Variants in ZBTB16 observed in about 807,000 individuals in gnomAD.
ZBTB16 encodes the protein zinc finger and BTB domain containing 16.
A neutral mutation model predicts 56.8 loss-of-function variants in ZBTB16; 8 were observed. The ratio of observed to expected loss-of-function variants is 0.14; its 90% CI spans 0.08 to 0.25. The LOEUF (loss-of-function observed/expected upper bound fraction) is 0.25. ZBTB16 is among the 10% of genes least tolerant of loss of function. The probability of loss-of-function intolerance (pLI) is 1.00; values close to 1 mark genes in which losing one functional copy is unlikely to be tolerated. For synonymous variants in ZBTB16, 363 were observed against 368.5 expected, an observed-to-expected ratio of 0.98 and a Z score of 0.17; for missense variants, 625 against 903.0, an observed-to-expected ratio of 0.69 and a Z score of 3.95.
At chr11:114,196,158 C>T (rs1403503681) in intron 4 of ZBTB16, among the ~76,000 whole-genome samples, 1 of 152,286 alleles carries the variant, frequency 6.6e-6, no homozygotes, top group Non-Finnish European at 1.5e-5. Context: ...GCCAGACAGG[C>T]CGCAAAACTG....
At position 114,162,676 on chromosome 11, in the gene ZBTB16, G is replaced by A. The variant is rs78312340; in HGVS notation, c.1366+6242G>A. Among the ~76,000 whole-genome samples the A allele has an allele frequency of 7.0e-3, 1,071 of 152,292 alleles. 14 individuals carry two copies. Among genetic ancestry groups the A allele is most frequent in the African/African-American group, 0.024 (1,003 of 41,554 alleles). On this transcript the variant is annotated intron_variant, in intron 3 of 6. Transcript: ENST00000335953. ...CGGGAGATGACCAGGAAGAAACTTC[G>A]TTCATGTTCCTTGACTCCCTCCACA...
intron 2 of ZBTB16, among the ~76,000 whole-genome samples, chr11:114,083,024 C>T (rs756046334): frequency 2.3e-4 from 35 of 152,204 alleles, no homozygotes; most frequent in Non-Finnish European, 2.6e-4. Flanking sequence ...GCTGTTTGCC[C>T]GAGTGGCTCC....
At chr11:114,127,101 C>T (rs1941529568) in intron 2 of ZBTB16, among the ~76,000 whole-genome samples, 1 of 152,188 alleles carries the variant, frequency 6.6e-6, no homozygotes, top group Admixed American at 6.5e-5. Context: ...TGCCCCCCAA[C>T]TCCACTATTC....
At position 114,254,255 on chromosome 11, in the gene ZBTB16, G is replaced by A. The variant is rs1944963999; in HGVS notation, c.*3700G>A. ...TGCTGCTTTGGGCTGCTTTGGAGGA[G>A]GAGGCCATGAATATGGGGAAGGCAG... On this transcript the variant is annotated 3_prime_UTR_variant, in exon 7 of 7. Transcript: ENST00000335953. Among the ~76,000 whole-genome samples the A allele has an allele frequency of 6.6e-6, 1 of 152,084 alleles. No homozygotes were observed. Among genetic ancestry groups the A allele is most frequent in the African/African-American group, 2.4e-5 (1 of 41,384 alleles).
chr11:114,082,944 A>G (rs1939821896), intron 2 of ZBTB16, among the ~76,000 whole-genome samples: 1 of 152,202 alleles, frequency 6.6e-6, no homozygotes, highest in Non-Finnish European at 1.5e-5. Flanking sequence ...TCGTAGCACT[A>G]CGCAATGTCT....
intron 2 of ZBTB16, among the ~76,000 whole-genome samples, chr11:114,113,051 A>G (rs543660492): frequency 1.3e-5 from 2 of 152,148 alleles, no homozygotes; most frequent in Non-Finnish European, 2.9e-5. Flanking sequence ...CCGGGATTAC[A>G]TGCATGAGCC....
At chr11:114,093,198 C>T (rs1265446899) in intron 2 of ZBTB16, among the ~76,000 whole-genome samples, 1 of 152,088 alleles carries the variant, frequency 6.6e-6, no homozygotes, top group Non-Finnish European at 1.5e-5. Context: ...ACCATATTTT[C>T]AGAACCAGAA....
At chr11:114,246,827 GTGACT>G (rs755826154) in intron 5 of ZBTB16, 32 of 286,352 alleles carry the variant, frequency 1.1e-4, no homozygotes, top group Admixed American at 3.7e-4. Flanking sequence ...TCAGGCTGGA[GTGACT>G]TTCACCCTTA....
At position 114,064,121 on chromosome 11, in the gene ZBTB16, A is replaced by G. The variant is rs1939012089; in HGVS notation, c.821A>G (p.Glu274Gly). The change falls in exon 2 of 7, where the codon GAA becomes GGA. Residue 274 changes from glutamate to glycine, a missense_variant. Around this residue, in one of 6 missense-constraint regions of ZBTB16, gnomAD observed 384 missense variants for 393.5 expected, o/e 0.98. Transcript: ENST00000335953. The surrounding 1 kb of genome is among the most constrained non-coding windows in gnomAD (Gnocchi z 4.2). ...GGAGGGATGGGGGACAAGGTTGAGG[A>G]AAGAGGCAAAGAGGGGCCTGGGACC... Reference protein sequence around the residue: ...ISGGMGDKVEERGKEGPGTPT... With the variant: ...ISGGMGDKVEGRGKEGPGTPT... The G allele has an allele frequency of 1.2e-6, 2 of 1,613,782 alleles. No homozygotes were observed. Among genetic ancestry groups the G allele is most frequent in the African/African-American group, 2.7e-5 (2 of 74,914 alleles).
At chr11:114,210,036 G>A in intron 4 of ZBTB16, 11 of 901,334 alleles carry the variant, frequency 1.2e-5, no homozygotes, top group Non-Finnish European at 1.5e-5. Context: ...TGGTAGAAGA[G>A]GGTCAAAAAG....
intron 2 of ZBTB16, among the ~76,000 whole-genome samples, chr11:114,116,627 A>G (rs1941183367): frequency 6.6e-6 from 1 of 152,040 alleles, no homozygotes; most frequent in African/African-American, 2.4e-5. Context: ...TACCTACTAG[A>G]TGTGTTTGGC....
intron 2 of ZBTB16, among the ~76,000 whole-genome samples, chr11:114,138,167 G>C (rs1941846366): frequency 6.6e-6 from 1 of 152,226 alleles, no homozygotes; most frequent in Non-Finnish European, 1.5e-5. Flanking sequence ...CAAAATGACA[G>C]TTACGGGGGT....
At chr11:114,194,033 CG>C (rs1943555223) in intron 4 of ZBTB16, among the ~76,000 whole-genome samples, 1 of 152,148 alleles carries the variant, frequency 6.6e-6, no homozygotes, top group Non-Finnish European at 1.5e-5. Flanking sequence ...TGATTGGTTC[CG>C]GGTGATCCTG....
intron 2 of ZBTB16, among the ~76,000 whole-genome samples, chr11:114,127,141 T>A (rs145835628): frequency 2.0e-3 from 305 of 152,208 alleles, no homozygotes; most frequent in African/African-American, 6.1e-3. Flanking sequence ...GTGACAGCAG[T>A]GTAGCCCCTT....
At chr11:114,204,146 C>T (rs1369502076) in intron 4 of ZBTB16, among the ~76,000 whole-genome samples, 1 of 151,744 alleles carries the variant, frequency 6.6e-6, no homozygotes, top group Non-Finnish European at 1.5e-5. Context: ...TTCTCTGTGT[C>T]CCACTATCTT....
At chr11:114,170,090 C>T (rs1447265601) in intron 3 of ZBTB16, among the ~76,000 whole-genome samples, 1 of 152,206 alleles carries the variant, frequency 6.6e-6, no homozygotes, top group African/African-American at 2.4e-5. Flanking sequence ...TGAAAAGCTG[C>T]CACTTCAGGG....
chr11:114,111,141 T>C (rs1275804873), intron 2 of ZBTB16, among the ~76,000 whole-genome samples: 3 of 143,768 alleles, frequency 2.1e-5, no homozygotes, highest in African/African-American at 8.1e-5. Flanking sequence ...ACTTTTGGCT[T>C]AGAGATCTGT....
chr11:114,142,424 A>G (rs867232559), intron 2 of ZBTB16, among the ~76,000 whole-genome samples: 1 of 152,364 alleles, frequency 6.6e-6, no homozygotes, highest in South Asian at 2.1e-4. Flanking sequence ...TAACTGCTCA[A>G]TAACACAGGC....
chr11:114,168,478 TA>T (rs1942857245), intron 3 of ZBTB16, among the ~76,000 whole-genome samples: 1 of 152,338 alleles, frequency 6.6e-6, no homozygotes, highest in East Asian at 1.9e-4. Context: ...GGCACAGTGC[TA>T]TGTGTTCTGC....
Sources: gnomAD v4.1 joint callset for allele counts (sites outside exome capture counted in the v4.1 genomes callset) on GRCh38, gnomAD v4.1.1 for gene constraint, gnomAD v4.1.1 regional missense constraint, Gnocchi (gnomAD v3.1) non-coding constraint, MANE v1.5 for transcripts, NCBI Gene and HGNC (gene_info 2026-07-23, HGNC 2026-07-21) for gene names.